The following ZC3H12B variants were observed in gnomAD, a reference collection of about 807,000 sequenced individuals.
ZC3H12B encodes probable ribonuclease ZC3H12B.
In ZC3H12B, 7 loss-of-function variants were observed where a neutral mutation model predicts 43.9. That is an observed-to-expected ratio of 0.16 (90% CI 0.09 to 0.30). The LOEUF (loss-of-function observed/expected upper bound fraction) is 0.30. Among genes scored for constraint, ZC3H12B ranks in the 10% least tolerant of loss-of-function variants. ZC3H12B has a pLI of 1.00. For missense variants in ZC3H12B, 475 were observed against 670.2 expected (o/e 0.71, Z 3.22); for synonymous variants, 222 against 241.7 (o/e 0.92, Z 0.76).
At chrX:65,404,457 AAC>A (rs2066799524) in intron 3 of ZC3H12B, among the ~76,000 whole-genome samples, 1 of 111,716 alleles carries the variant, frequency 9.0e-6, no homozygotes, top group Non-Finnish European at 1.9e-5. Context: ...GCCTACTAGA[AAC>A]ACACTTTACC....
the ZC3H12B span, chrX:65,357,359 G>A: frequency 1.3e-5 from 3 of 224,541 alleles, no homozygotes; most frequent in African/African-American, 3.0e-5. Flanking sequence ...CCTTGCAAAT[G>A]TAAAACAGGA....
At chrX:65,375,152 G>A (rs935938760) in intron 2 of ZC3H12B, among the ~76,000 whole-genome samples, 7 of 111,579 alleles carry the variant, frequency 6.3e-5, no homozygotes, top group South Asian at 3.8e-4. Flanking sequence ...GAAACCTTGC[G>A]TTGAACTCAA....
At chrX:65,332,673 G>T in the ZC3H12B span, among the ~76,000 whole-genome samples, 4 of 111,340 alleles carry the variant, frequency 3.6e-5, no homozygotes, top group Admixed American at 1.9e-4. Flanking sequence ...ACAGAAATAA[G>T]CAATCAGTCT....
intron 2 of ZC3H12B, among the ~76,000 whole-genome samples, chrX:65,396,457 G>C (rs888100693): frequency 1.8e-5 from 2 of 112,011 alleles, no homozygotes; most frequent in Non-Finnish European, 3.8e-5. Flanking sequence ...TCATTCAGAA[G>C]CAGGTTGTTC....
chrX:65,376,639 G>T (rs1026583180), intron 2 of ZC3H12B, among the ~76,000 whole-genome samples: 3 of 111,869 alleles, frequency 2.7e-5, no homozygotes, highest in Admixed American at 9.5e-5. Flanking sequence ...TTAATACATA[G>T]AATTCTTCCA....
the ZC3H12B span, among the ~76,000 whole-genome samples, chrX:65,290,863 G>A: frequency 9.1e-6 from 1 of 110,449 alleles, no homozygotes; most frequent in Non-Finnish European, 1.9e-5. Context: ...GTGAATGGGG[G>A]GATATGGAAG....
At chrX:65,065,840 T>C in the ZC3H12B span, among the ~76,000 whole-genome samples, 2 of 109,457 alleles carry the variant, frequency 1.8e-5, no homozygotes, top group Admixed American at 2.0e-4. Context: ...TTGTTTGTTT[T>C]TTTTTTATTC....
chrX:65,189,461 G>A, the ZC3H12B span, among the ~76,000 whole-genome samples: 4 of 105,227 alleles, frequency 3.8e-5, no homozygotes, highest in Admixed American at 3.0e-4. Context: ...AGCACCTGTT[G>A]TTTCCTGACT....
At chrX:65,042,283 G>A in the ZC3H12B span, among the ~76,000 whole-genome samples, 1 of 112,141 alleles carries the variant, frequency 8.9e-6, no homozygotes, top group East Asian at 2.8e-4. Context: ...GAAAAAACTT[G>A]GCACTTTGTG....
At chrX:65,325,737 C>T in the ZC3H12B span, among the ~76,000 whole-genome samples, 1 of 111,030 alleles carries the variant, frequency 9.0e-6, no homozygotes, top group Non-Finnish European at 1.9e-5. Context: ...TAAAAAAATC[C>T]TAAAATATCC....
chrX:65,198,763 GTTA>G, the ZC3H12B span, among the ~76,000 whole-genome samples: 11 of 111,685 alleles, frequency 9.8e-5, no homozygotes, highest in Admixed American at 4.8e-4. Context: ...GAAGTTCTCT[GTTA>G]TTATCCCTTT....
At chrX:65,206,292 A>G in the ZC3H12B span, among the ~76,000 whole-genome samples, 1 of 112,155 alleles carries the variant, frequency 8.9e-6, no homozygotes, top group Non-Finnish European at 1.9e-5. Context: ...CCAAAACAGC[A>G]AGGTACTGGC....
chrX:65,186,992 C>G, the ZC3H12B span: 2 of 111,937 alleles, frequency 1.8e-5, no homozygotes, highest in Middle Eastern at 4.6e-3. Context: ...CTGCTATAAA[C>G]GTGTGTGCAA....
the ZC3H12B span, among the ~76,000 whole-genome samples, chrX:65,104,434 G>T: frequency 8.9e-6 from 1 of 111,905 alleles, no homozygotes; most frequent in Non-Finnish European, 1.9e-5. Flanking sequence ...AAATGAAAGA[G>T]CTTCTGCTCA....
the ZC3H12B span, among the ~76,000 whole-genome samples, chrX:65,335,169 A>G: frequency 3.6e-5 from 4 of 112,151 alleles, no homozygotes; most frequent in African/African-American, 1.3e-4. Context: ...AAAGCCTTAG[A>G]TTTTGAGAAG....
the ZC3H12B span, among the ~76,000 whole-genome samples, chrX:65,281,759 T>C: frequency 3.7e-4 from 41 of 112,276 alleles, no homozygotes; most frequent in Non-Finnish European, 6.9e-4. Context: ...GATATTGGTC[T>C]GCGAAAATAT....
chrX:65,064,255 T>G, the ZC3H12B span, among the ~76,000 whole-genome samples: 1 of 111,893 alleles, frequency 8.9e-6, no homozygotes, highest in Non-Finnish European at 1.9e-5. Flanking sequence ...GGGTGTTGAT[T>G]TTAGATCTTT....
chrX:65,339,785 C>T, the ZC3H12B span, among the ~76,000 whole-genome samples: 1 of 111,769 alleles, frequency 8.9e-6, no homozygotes, highest in East Asian at 2.9e-4. Context: ...GCAGAGAGCT[C>T]AAGTGGGGTG....
intron 3 of ZC3H12B, among the ~76,000 whole-genome samples, chrX:65,463,285 G>C (rs1007611162): frequency 4.5e-5 from 5 of 111,873 alleles, no homozygotes; most frequent in African/African-American, 1.6e-4. Context: ...GGAGAAGAAT[G>C]ATGGTGGTAT....
Sources: gnomAD v4.1 joint callset for allele counts (sites outside exome capture counted in the v4.1 genomes callset) on GRCh38, gnomAD v4.1.1 for gene constraint, MANE v1.5 for transcripts, NCBI Gene and HGNC (gene_info 2026-07-23, HGNC 2026-07-21) for gene names.